OXNAD1: variants seen among roughly 807,000 people sequenced by gnomAD.
OXNAD1 encodes oxidoreductase NAD-binding domain-containing protein 1.
A neutral mutation model predicts 32.9 loss-of-function variants in OXNAD1; 34 were observed. That is an observed-to-expected ratio of 1.03 (90% CI 0.79 to 1.38). The LOEUF is 1.38. Ranked by LOEUF, OXNAD1 falls within the 40% of genes most tolerant of loss-of-function variation. OXNAD1 has a pLI of 0.00. For synonymous variants in OXNAD1, 134 were observed against 135.2 expected (o/e 0.99, Z 0.06); for missense variants, 407 against 379.4 (o/e 1.07, Z -0.60).
intron 9 of OXNAD1, among the ~76,000 whole-genome samples, chr3:16,326,519 T>A (rs1035403573): frequency 2.6e-5 from 4 of 152,224 alleles, no homozygotes; most frequent in Non-Finnish European, 4.4e-5. Flanking sequence ...TCTGAGCGGC[T>A]CATCTTTGAC....
At chr3:16,310,295 CTTG>C (rs1256164148), downstream of OXNAD1, among the ~76,000 whole-genome samples, 4 of 151,892 alleles carry the variant, frequency 2.6e-5, no homozygotes, top group Non-Finnish European at 5.9e-5. Flanking sequence ...AGTTGATTCT[CTTG>C]TTTTTTTTTC....
In OXNAD1 at chr3:16,314,005, C is replaced by T. The variant is rs1170164424; in HGVS notation, c.*30+10413C>T. Reference sequence around the variant, plus strand: ...CCTCTGCAGGTGAAGTAGTTGAAAACAGCTTCCCAGTGAAAGAATCTGGAT... The same window carrying T: ...CCTCTGCAGGTGAAGTAGTTGAAAATAGCTTCCCAGTGAAAGAATCTGGAT... On this transcript the variant is annotated intron_variant, in intron 9 of 9. Coordinates refer to the OXNAD1 transcript ENST00000435829. This position sits in a 1 kb window ranked among gnomAD's most constrained non-coding sequence, Gnocchi z 4.4. 6.6e-6 allele frequency among the ~76,000 whole-genome samples: 1 copy of T among 152,120 alleles called. No homozygotes were observed. Among genetic ancestry groups the T allele is most frequent in the East Asian group, 1.9e-4 (1 of 5,170 alleles).
chr3:16,302,570 G>A lies in OXNAD1; in HGVS notation c.676-70G>A, dbSNP rs1421265407. On this transcript the variant is annotated intron_variant, in intron 7 of 8. Coordinates refer to ENST00000285083, the MANE Select transcript of OXNAD1 (RefSeq NM_138381.5). The surrounding 1 kb of genome is among the most constrained non-coding windows in gnomAD (Gnocchi z 4.2). ...TGCAGAATGGGAGTTGAGGTTCAGCGTCAATGGTTGTGCACATCTGTTTTG... is the reference window on the plus strand; with the variant it reads ...TGCAGAATGGGAGTTGAGGTTCAGCATCAATGGTTGTGCACATCTGTTTTG... 7 of 1,027,758 alleles carry A rather than the reference G, an allele frequency of 6.8e-6. No homozygotes were observed. In the Admixed American group the frequency reaches 8.1e-5, roughly 12 times the overall value. The allele number at this position is 1,027,758 out of a possible 1,614,324, so 63.7% of individuals were successfully genotyped here. A position where few individuals can be genotyped will look rare whatever the true frequency, so the allele number is the denominator to read the frequency against.
intron 9 of OXNAD1, among the ~76,000 whole-genome samples, chr3:16,323,654 A>C (rs2069344992): frequency 6.6e-6 from 1 of 152,160 alleles, no homozygotes; most frequent in South Asian, 2.1e-4. Flanking sequence ...GATGCCCAAC[A>C]AAAGCTTTTT....
At chr3:16,295,427 T>C (rs2066717438) in intron 6 of OXNAD1, among the ~76,000 whole-genome samples, 1 of 152,204 alleles carries the variant, frequency 6.6e-6, no homozygotes, top group African/African-American at 2.4e-5. Flanking sequence ...TGAGCACAGC[T>C]AAATCCACGG....
chr3:16,333,482 T>C (rs1312682031), intron 9 of OXNAD1, among the ~76,000 whole-genome samples: 1 of 152,222 alleles, frequency 6.6e-6, no homozygotes, highest in Non-Finnish European at 1.5e-5. Flanking sequence ...TCTATCTAAT[T>C]ATGTCATTCC....
chr3:16,312,262 G>A lies in OXNAD1; in HGVS notation c.*30+8670G>A, dbSNP rs754658249. Among the ~76,000 whole-genome samples the A allele has an allele frequency of 6.6e-6, 1 of 152,156 alleles. No individual in the cohort carries two copies. The highest frequency in any genetic ancestry group is 2.4e-5 in the African/African-American group (1 of 41,430). On this transcript the variant is annotated intron_variant, in intron 9 of 9. Transcript: ENST00000435829. This position sits in a 1 kb window ranked among gnomAD's most constrained non-coding sequence, Gnocchi z 4.7. ...ACACACTTCCCTGTTCAAAACTCTA[G>A]GAGCCAGGTACAGGAAACCCAGCCT...
At chr3:16,295,037 C>G in intron 6 of OXNAD1, 40 bp downstream of exon 6, 1 of 1,553,116 alleles carries the variant, frequency 6.4e-7, no homozygotes, top group Non-Finnish European at 8.7e-7. Flanking sequence ...ATCTGGGTAT[C>G]TCTGCCACCC....
chr3:16,269,202 TAGC>T lies in OXNAD1; in HGVS notation c.-79_-77del, dbSNP rs1211703373. On this transcript the variant is annotated 5_prime_UTR_variant, in exon 2 of 9. Transcript: ENST00000285083. ...TGTACATCCAAAAGTCTCAGTGTAA[TAGC>T]AGGACCAAAATATTCTGTCAATCAG... 4.6e-6 allele frequency: 7 copies of T among 1,533,556 alleles called. No individual in the cohort carries two copies. In the African/African-American group the frequency reaches 9.6e-5, roughly 21 times the overall value. The allele number at this position is 1,533,556 out of a possible 1,614,324, so 95.0% of individuals were successfully genotyped here.
rs1316703995 is a variant in OXNAD1 at position 16,343,466 on chromosome 3, T to C, written c.*31-5710T>C. Among the ~76,000 whole-genome samples the C allele has an allele frequency of 2.6e-5, 4 of 152,214 alleles. No homozygotes were observed. In the East Asian group the frequency reaches 7.7e-4, roughly 29 times the overall value. ...GTTTTTTCCTCCTCCAAGATAAACA[T>C]GTCCAATTGTTTCCCACCATTTCCA... On this transcript the variant is annotated intron_variant, in intron 9 of 9. Coordinates refer to the OXNAD1 transcript ENST00000606098.
chr3:16,283,696 A>T (rs770133706), intron 4 of OXNAD1, among the ~76,000 whole-genome samples: 5 of 152,130 alleles, frequency 3.3e-5, no homozygotes, highest in Non-Finnish European at 7.4e-5. Flanking sequence ...GAGGGCCTCA[A>T]CCTGGAGTGG....
intron 9 of OXNAD1, among the ~76,000 whole-genome samples, chr3:16,332,392 G>T (rs374430872): frequency 6.8e-5 from 10 of 147,314 alleles, no homozygotes; most frequent in African/African-American, 2.5e-4. Context: ...AGATTCAAAA[G>T]CCCTTTCTTA....
intron 2 of OXNAD1, 105 bp from the exon 3 acceptor site, chr3:16,270,840 G>A: frequency 6.6e-7 from 1 of 1,503,910 alleles, no homozygotes; most frequent in Non-Finnish European, 8.9e-7. Flanking sequence ...ACTCATAATA[G>A]CACCAACAGA....
chr3:16,278,074 G>A (rs2065472116), intron 4 of OXNAD1, among the ~76,000 whole-genome samples: 1 of 152,104 alleles, frequency 6.6e-6, no homozygotes, highest in African/African-American at 2.4e-5. Flanking sequence ...TCAGTTTGTT[G>A]GGAGAGTTTG....
intron 4 of OXNAD1, among the ~76,000 whole-genome samples, chr3:16,274,338 A>G (rs563755577): frequency 1.8e-4 from 28 of 152,308 alleles, no homozygotes; most frequent in African/African-American, 6.5e-4. Flanking sequence ...AAGTACTGAT[A>G]TACATATTCT....
At position 16,314,734 on chromosome 3, in the gene OXNAD1, C is replaced by A. The variant is rs2068216910; in HGVS notation, c.*30+11142C>A. On this transcript the variant is annotated intron_variant, in intron 9 of 9. Coordinates refer to the OXNAD1 transcript ENST00000435829. The surrounding 1 kb of genome is among the most constrained non-coding windows in gnomAD (Gnocchi z 4.4). ...TTTTCCCCATAGCAAATACAGCCAACATAAATGTCAATTAATTAATTGAAA... is the reference window on the plus strand; with the variant it reads ...TTTTCCCCATAGCAAATACAGCCAAAATAAATGTCAATTAATTAATTGAAA... 6.6e-6 allele frequency: 1 copy of A among 152,292 alleles called. No individual in the cohort carries two copies. Among genetic ancestry groups the A allele is most frequent in the East Asian group, 1.9e-4 (1 of 5,184 alleles). The allele number at this position is 152,292 out of a possible 1,614,324, so 9.4% of individuals were successfully genotyped here. A position where few individuals can be genotyped will look rare whatever the true frequency, so the allele number is the denominator to read the frequency against.
rs1156361623 is a variant in OXNAD1, at chr3:16,321,117, G to A, written c.*31-15995G>A. On this transcript the variant is annotated intron_variant, in intron 9 of 9. Transcript: ENST00000435829. This position sits in a 1 kb window ranked among gnomAD's most constrained non-coding sequence, Gnocchi z 4.8. Reference sequence around the variant, plus strand: ...GGTCAGCAGGGATAGCCCCTAAGGTGCAATGCCATTCCTCTAGATAGGGTG... The same window carrying A: ...GGTCAGCAGGGATAGCCCCTAAGGTACAATGCCATTCCTCTAGATAGGGTG... Among the ~76,000 whole-genome samples the A allele has an allele frequency of 6.6e-6, 1 of 152,122 alleles. No individual in the cohort carries two copies. The highest frequency in any genetic ancestry group is 2.4e-5 in the African/African-American group (1 of 41,418).
intron 4 of OXNAD1, chr3:16,272,264 C>G (rs2065000067): frequency 7.3e-6 from 3 of 408,858 alleles, no homozygotes; most frequent in South Asian, 5.4e-5. Context: ...GAAAGCTAAT[C>G]TACCACCTGA....
At chr3:16,338,977 G>T (rs1231228871), downstream of OXNAD1, among the ~76,000 whole-genome samples, 1 of 152,148 alleles carries the variant, frequency 6.6e-6, no homozygotes, top group African/African-American at 2.4e-5. The surrounding 1 kb of genome is among the most constrained non-coding windows in gnomAD (Gnocchi z 5.3). Flanking sequence ...CCCAGAAGAG[G>T]TCTCTGAATA....
Sources: allele counts gnomAD v4.1 joint callset (sites outside exome capture counted in the v4.1 genomes callset), GRCh38; gene constraint gnomAD v4.1.1; non-coding constraint Gnocchi (gnomAD v3.1); transcripts MANE v1.5; gene names NCBI Gene and HGNC (gene_info 2026-07-23, HGNC 2026-07-21).